The following LMO3 variants were observed in gnomAD, a reference collection of about 807,000 sequenced individuals.
LMO3 encodes the protein LIM domain only protein 3.
Under a neutral mutation model 15.8 loss-of-function variants are expected in LMO3, and 2 were observed. The observed-to-expected ratio is 0.13, with a 90% CI of 0.05 to 0.40. The LOEUF (loss-of-function observed/expected upper bound fraction) is 0.40, where lower values mean the gene tolerates loss of function less well. Among genes scored for constraint, LMO3 ranks in the 10% least tolerant of loss-of-function variants. LMO3 has a pLI of 0.99. For synonymous variants in LMO3, 62 were observed against 63.8 expected (o/e 0.97, Z 0.13); for missense variants, 86 against 182.2 (o/e 0.47, Z 3.04).
intron 2 of LMO3, among the ~76,000 whole-genome samples, chr12:16,583,044 C>G (rs1371809975): frequency 2.8e-5 from 1 of 35,238 alleles, no homozygotes; most frequent in Non-Finnish European, 5.7e-5. Context: ...GAGACTCCGC[C>G]TCAAAAAAAA....
intron 1 of LMO3, chr12:16,605,436 G>GGCCC (rs1943957949): frequency 8.6e-5 from 32 of 372,614 alleles, no homozygotes; most frequent in Middle Eastern, 1.4e-3. Context: ...CTACCCGCCT[G>GGCCC]CCCCCCCCCC....
chr12:16,605,791 G>A (rs1158355308), intron 1 of LMO3: 1 of 1,535,436 alleles, frequency 6.5e-7, no homozygotes, highest in African/African-American at 1.4e-5. Flanking sequence ...CGCCGCAGCC[G>A]CTCTCCCTCC....
chr12:16,609,075 T>C (rs1944080190), upstream of LMO3: 1 of 152,168 alleles, frequency 6.6e-6, no homozygotes, highest in African/African-American at 2.4e-5. Context: ...CTCTTCATAA[T>C]CATATGAATT....
At chr12:16,561,636 T>C (rs1942408929) in intron 2 of LMO3, among the ~76,000 whole-genome samples, 1 of 152,252 alleles carries the variant, frequency 6.6e-6, no homozygotes, top group Non-Finnish European at 1.5e-5. Context: ...ACAAATGTGC[T>C]GAAGTCTCTC....
intron 1 of LMO3, among the ~76,000 whole-genome samples, chr12:16,602,828 A>G (rs1943866116): frequency 6.6e-6 from 1 of 152,172 alleles, no homozygotes; most frequent in Non-Finnish European, 1.5e-5. Context: ...GGGAAGGGGA[A>G]GTTTTGATTT....
At position 16,604,861 on chromosome 12, in the gene LMO3, T is replaced by C; in HGVS notation, c.-9+1205A>G. On this transcript the variant is annotated intron_variant, in intron 1 of 3. Coordinates refer to ENST00000537304, the MANE Select transcript of LMO3 (RefSeq NM_018640.5). This position sits in a 1 kb window ranked among gnomAD's most constrained non-coding sequence, Gnocchi z 5.3. ...AGTGCATCTATGATAGACTGTAACC[T>C]TACCAAAACTTTTCTCCTTTTTCTG... The C allele has an allele frequency of 6.3e-7, 1 of 1,598,424 alleles. No homozygotes were observed. The highest frequency in any genetic ancestry group is 1.1e-5 in the South Asian group (1 of 91,090).
At chr12:16,565,052 A>G (rs953729623) in intron 2 of LMO3, among the ~76,000 whole-genome samples, 2 of 152,172 alleles carry the variant, frequency 1.3e-5, no homozygotes, top group Non-Finnish European at 2.9e-5. Context: ...GGCCTCCCAA[A>G]GTTATCAAAT....
intron 2 of LMO3, among the ~76,000 whole-genome samples, chr12:16,563,043 C>T (rs374437983): frequency 2.6e-5 from 4 of 152,306 alleles, no homozygotes; most frequent in East Asian, 1.9e-4. Flanking sequence ...AAATTTTCTT[C>T]TTCCACGCAC....
intron 2 of LMO3, among the ~76,000 whole-genome samples, chr12:16,575,440 A>G (rs761185894): frequency 6.6e-6 from 1 of 152,232 alleles, no homozygotes; most frequent in Non-Finnish European, 1.5e-5. Flanking sequence ...TCTGAAATCA[A>G]TATCAATACG....
intron 2 of LMO3, among the ~76,000 whole-genome samples, chr12:16,566,417 C>T (rs1404327426): frequency 1.3e-5 from 2 of 151,772 alleles, no homozygotes. Flanking sequence ...GTTTTCAACA[C>T]ACAAAAAAAT....
In LMO3 at chr12:16,560,628, G is replaced by T; in HGVS notation, c.207-90C>A. The stretch of plus-strand genomic sequence containing the variant: ...AGATGATGTTAATATACTCTGTAAA[G>T]CTACAATACACAATGCTTTATGATG... On this transcript the variant is annotated intron_variant, in intron 2 of 3. Coordinates refer to ENST00000537304, the MANE Select transcript of LMO3 (RefSeq NM_018640.5). This position sits in a 1 kb window ranked among gnomAD's most constrained non-coding sequence, Gnocchi z 5.0. 8.7e-7 allele frequency: 1 copy of T among 1,145,042 alleles called. No homozygotes were observed. The highest frequency in any genetic ancestry group is 1.3e-6 in the Non-Finnish European group (1 of 790,550). 70.9% of individuals were successfully genotyped at this position (1,145,042 alleles called of 1,614,324 possible).
chr12:16,566,709 CACAT>C (rs1363974611), intron 2 of LMO3, among the ~76,000 whole-genome samples: 6 of 152,010 alleles, frequency 3.9e-5, no homozygotes, highest in African/African-American at 1.5e-4. Context: ...TCTTTATTAA[CACAT>C]ACAGATCATG....
intron 2 of LMO3, among the ~76,000 whole-genome samples, chr12:16,588,660 A>G (rs1258803694): frequency 1.3e-5 from 2 of 152,270 alleles, no homozygotes; most frequent in East Asian, 1.9e-4. Context: ...CCAAATTCCA[A>G]TAATCTCCAG....
chr12:16,601,898 T>C (rs1231710250), intron 1 of LMO3: 2 of 152,198 alleles, frequency 1.3e-5, no homozygotes. Context: ...CACCCAGCTT[T>C]AGCAAGAAGC....
chr12:16,564,851 C>A (rs565219265), intron 2 of LMO3, among the ~76,000 whole-genome samples: 1 of 152,228 alleles, frequency 6.6e-6, no homozygotes, highest in South Asian at 2.1e-4. Flanking sequence ...AGTGGTGTGA[C>A]CATGAGTCAC....
At chr12:16,581,169 T>A (rs920702385) in intron 2 of LMO3, among the ~76,000 whole-genome samples, 17 of 152,254 alleles carry the variant, frequency 1.1e-4, no homozygotes, top group Admixed American at 8.5e-4. Context: ...GATGACAGGA[T>A]CAATTTATGG....
chr12:16,548,611 A>G lies in LMO3; in HGVS notation c.*2611T>C, dbSNP rs1229583269. On this transcript the variant is annotated 3_prime_UTR_variant, in exon 4 of 4. Coordinates refer to ENST00000537304, the MANE Select transcript of LMO3 (RefSeq NM_018640.5). The surrounding 1 kb of genome is among the most constrained non-coding windows in gnomAD (Gnocchi z 4.2). ...ATCAAAGCTCCATCGGAGGTGTCCT[A>G]CTGGAGGCATCAGACAACAAGCTAA... 2.0e-5 allele frequency: 3 copies of G among 152,130 alleles called. No homozygotes were observed. Among genetic ancestry groups the G allele is most frequent in the Non-Finnish European group, 4.4e-5 (3 of 68,028 alleles). The allele number at this position is 152,130 out of a possible 1,614,324, so 9.4% of individuals were successfully genotyped here.
At chr12:16,581,366 G>A (rs1019247257) in intron 2 of LMO3, among the ~76,000 whole-genome samples, 9 of 152,080 alleles carry the variant, frequency 5.9e-5, no homozygotes, top group African/African-American at 2.2e-4. Context: ...CTCTAAAATG[G>A]GTTTAATAAT....
At chr12:16,554,792 G>T (rs1213802900) in intron 3 of LMO3, among the ~76,000 whole-genome samples, 1 of 152,144 alleles carries the variant, frequency 6.6e-6, no homozygotes, top group Non-Finnish European at 1.5e-5. Flanking sequence ...CAGTAGCTCT[G>T]ACTACAGGCG....
Sources: gnomAD v4.1 joint callset for allele counts (sites outside exome capture counted in the v4.1 genomes callset) on GRCh38, gnomAD v4.1.1 for gene constraint, Gnocchi (gnomAD v3.1) non-coding constraint, MANE v1.5 for transcripts, NCBI Gene and HGNC (gene_info 2026-07-23, HGNC 2026-07-21) for gene names.